The following MRE11 variants were observed in gnomAD, a reference collection of about 807,000 sequenced individuals.
The protein encoded by MRE11 is MRE11 double strand break repair nuclease.
A neutral mutation model predicts 91.7 loss-of-function variants in MRE11; 62 were observed. The observed-to-expected ratio is 0.68, with a 90% CI of 0.55 to 0.84. The LOEUF is 0.84. Ranked by LOEUF, MRE11 falls within the 40% of genes least tolerant of loss-of-function variation. The probability of loss-of-function intolerance (pLI) is 0.00; values close to 1 mark genes in which losing one functional copy is unlikely to be tolerated. For missense variants in MRE11, 796 were observed against 852.9 expected (o/e 0.93, Z 0.83); for synonymous variants, 273 against 271.4 (o/e 1.01, Z -0.06).
chr11:94,431,548 A>G lies in MRE11; in HGVS notation c.1995-1562T>C, dbSNP rs13447721. Reference sequence around the variant, plus strand: ...TTAAATGATTCTTATTGCTTGCACAATGGTCAGAGAAGTTAGTTACCATAC... The same window carrying G: ...TTAAATGATTCTTATTGCTTGCACAGTGGTCAGAGAAGTTAGTTACCATAC... On this transcript the variant is annotated intron_variant, in intron 18 of 19. Transcript: ENST00000323929. Among the ~76,000 whole-genome samples the G allele has an allele frequency of 1.3e-3, 201 of 152,304 alleles. 8 individuals are homozygous for G. In the East Asian group the frequency reaches 0.037, roughly 28 times the overall value.
intron 7 of MRE11, among the ~76,000 whole-genome samples, chr11:94,472,216 C>T (rs982960091): frequency 3.3e-5 from 5 of 151,936 alleles, no homozygotes; most frequent in African/African-American, 1.2e-4. Flanking sequence ...AAACATCAAT[C>T]TCACATAAGT....
chr11:94,484,123 C>T (rs776921813), intron 4 of MRE11, among the ~76,000 whole-genome samples: 2 of 151,934 alleles, frequency 1.3e-5, no homozygotes, highest in Non-Finnish European at 2.9e-5. Context: ...GATACAGGAG[C>T]CAATCTCAAA....
chr11:94,434,356 G>C (rs1231936167), intron 18 of MRE11, among the ~76,000 whole-genome samples: 2 of 151,584 alleles, frequency 1.3e-5, no homozygotes, highest in African/African-American at 4.8e-5. Context: ...GGATAGAGTG[G>C]GATGAAAAAG....
Position 94,447,347 on chromosome 11 carries a change from T to C in MRE11, c.1655A>G (p.Glu552Gly). 2.5e-6 allele frequency: 4 copies of C among 1,614,168 alleles called. No individual in the cohort carries two copies. The highest frequency in any genetic ancestry group is 3.4e-6 in the Non-Finnish European group (4 of 1,180,018). Residue 552 changes from glutamate (E) to glycine (G), a missense_variant, in exon 15 of 20, where the codon GAA becomes GGA. Transcript: ENST00000323929. ...ADDLMSIDLAEQMANDSDDSI... is the reference protein window; with the variant it reads ...ADDLMSIDLAGQMANDSDDSI... ...ATCATCAGAGTCATTAGCCATCTGT[T>C]CTGCTAAATCTATACTCATAAGGTC... is the stretch of plus-strand genomic sequence containing the variant.
intron 4 of MRE11, among the ~76,000 whole-genome samples, chr11:94,485,352 A>G (rs756439610): frequency 6.6e-6 from 1 of 152,192 alleles, no homozygotes; most frequent in African/African-American, 2.4e-5. Flanking sequence ...AAGAAAAACC[A>G]ATAGATTTAA....
chr11:94,420,198 ATGT>A lies in MRE11; in HGVS notation c.2071-20_2071-18del. The A allele has an allele frequency of 6.3e-7, 1 of 1,576,064 alleles. No individual in the cohort carries two copies. Among genetic ancestry groups the A allele is most frequent in the South Asian group, 1.1e-5 (1 of 90,468 alleles). ...ATCATCATCCTGAAATGAGATACAA[ATGT>A]TGTATTAGTGATTGTTCCCTGCTTC... is the stretch of plus-strand genomic sequence containing the variant. On this transcript the variant is annotated intron_variant, in intron 19 of 19. Transcript: ENST00000323929.
the MRE11 span, chr11:94,499,148 T>G: frequency 6.5e-6 from 1 of 154,098 alleles, no homozygotes; most frequent in Admixed American, 6.5e-5. Flanking sequence ...TATTGTATAC[T>G]GCATCCCCTA....
rs769313864 is a variant in MRE11 at position 94,486,020 on chromosome 11, T to C, written c.218A>G (p.His73Arg). Residue 73 changes from histidine (H) to arginine (R), a missense_variant, in exon 4 of 20, where the codon CAT becomes CGT. By Grantham distance (29) the His-to-Arg change is conservative. Transcript: ENST00000323929. ...TTTTCTTAATAACTCGAGGCAGGTATGTAATGTTTTCCTTGAGGGCTTATT... is the reference window on the plus strand; with the variant it reads ...TTTTCTTAATAACTCGAGGCAGGTACGTAATGTTTTCCTTGAGGGCTTATT... ...HENKPSRKTL[H>R]TCLELLRKYC... 31 of 1,613,776 alleles carry C rather than the reference T, an allele frequency of 1.9e-5. No individual in the cohort carries two copies. Among genetic ancestry groups the C allele is most frequent in the Non-Finnish European group, 2.6e-5 (31 of 1,179,900 alleles).
chr11:94,512,164 A>T, the MRE11 span, among the ~76,000 whole-genome samples: 1 of 152,168 alleles, frequency 6.6e-6, no homozygotes, highest in African/African-American at 2.4e-5. Flanking sequence ...CAGACTTCTG[A>T]GTCCACATTC....
intron 2 of MRE11, among the ~76,000 whole-genome samples, chr11:94,491,916 A>G (rs562354875): frequency 1.9e-4 from 29 of 152,340 alleles, no homozygotes; most frequent in African/African-American, 7.0e-4. Flanking sequence ...AAATCATAAT[A>G]CTACATGTTT....
chr11:94,416,830 G>A lies in MRE11; in HGVS notation c.*3295C>T, dbSNP rs1388135613. The A allele has an allele frequency of 1.3e-5, 2 of 149,154 alleles. No individual in the cohort carries two copies. Among genetic ancestry groups the A allele is most frequent in the African/African-American group, 4.9e-5 (2 of 40,516 alleles). 9.2% of individuals were successfully genotyped at this position (149,154 alleles called of 1,614,324 possible). On this transcript the variant is annotated 3_prime_UTR_variant, in exon 20 of 20. Transcript: ENST00000323929. The stretch of plus-strand genomic sequence containing the variant: ...CCTGCCCTCCAGCCTGGGCAAGAGT[G>A]CGAGACTCCGTCTCAAAAAAAAAAA...
At chr11:94,488,901 A>G (rs1947212103) in intron 3 of MRE11, among the ~76,000 whole-genome samples, 1 of 152,142 alleles carries the variant, frequency 6.6e-6, no homozygotes, top group South Asian at 2.1e-4. Context: ...ATATGAGTTT[A>G]CCTATGTAAC....
the MRE11 span, among the ~76,000 whole-genome samples, chr11:94,501,464 T>C: frequency 2.0e-5 from 3 of 152,176 alleles, no homozygotes; most frequent in Non-Finnish European, 2.9e-5. Context: ...ATTAATTTTA[T>C]ATATATATGA....
intron 14 of MRE11, among the ~76,000 whole-genome samples, chr11:94,453,809 A>C (rs1946177731): frequency 6.6e-6 from 1 of 152,126 alleles, no homozygotes; most frequent in African/African-American, 2.4e-5. Context: ...TATATTTTGA[A>C]AGAGGGTATC....
intron 11 of MRE11, among the ~76,000 whole-genome samples, chr11:94,462,267 C>G (rs547412649): frequency 2.0e-5 from 3 of 152,126 alleles, no homozygotes; most frequent in South Asian, 2.1e-4. Context: ...CACTGCTCAA[C>G]GAAATAAAAG....
intron 18 of MRE11, among the ~76,000 whole-genome samples, chr11:94,432,536 C>T (rs1022684845): frequency 2.0e-5 from 3 of 152,198 alleles, no homozygotes; most frequent in Non-Finnish European, 2.9e-5. Context: ...GGGACGAGCA[C>T]GGTGGCTCAT....
intron 5 of MRE11, 65 bp downstream of exon 5, chr11:94,479,609 T>C (rs1946962251): frequency 7.1e-7 from 1 of 1,412,134 alleles, no homozygotes; most frequent in Non-Finnish European, 1.0e-6. Flanking sequence ...AAGGCATGCT[T>C]TCCACAGACA....
chr11:94,509,800 AT>A, the MRE11 span, among the ~76,000 whole-genome samples: 1 of 151,872 alleles, frequency 6.6e-6, no homozygotes, highest in East Asian at 1.9e-4. Context: ...TTCCTTTTTT[AT>A]TTTTTTAATG....
chr11:94,481,380 T>C (rs1385900624), intron 4 of MRE11, among the ~76,000 whole-genome samples: 1 of 152,220 alleles, frequency 6.6e-6, no homozygotes, highest in Non-Finnish European at 1.5e-5. Flanking sequence ...TCTTTATTTA[T>C]TACTAACTCA....
Sources: gnomAD v4.1 joint callset for allele counts (sites outside exome capture counted in the v4.1 genomes callset) on GRCh38, gnomAD v4.1.1 for gene constraint, MANE v1.5 for transcripts, NCBI Gene and HGNC (gene_info 2026-07-23, HGNC 2026-07-21) for gene names.